Variants in SULF1 observed in about 807,000 individuals in gnomAD.
SULF1 encodes sulfatase 1, also known as extracellular sulfatase Sulf-1.
In SULF1, 46 loss-of-function variants were observed where a neutral mutation model predicts 110.5. That is an observed-to-expected ratio of 0.42 (90% confidence interval 0.33 to 0.53). The LOEUF (loss-of-function observed/expected upper bound fraction) is 0.53. Among genes scored for constraint, SULF1 ranks in the 20% least tolerant of loss-of-function variants. The pLI is 0.12. For missense variants in SULF1, 941 were observed against 1,094.2 expected, an observed-to-expected ratio of 0.86 and a Z score of 1.98; for synonymous variants, 371 against 387.1, an observed-to-expected ratio of 0.96 and a Z score of 0.49.
At chr8:69,534,824 A>G (rs978191323) in intron 3 of SULF1, among the ~76,000 whole-genome samples, 5 of 152,148 alleles carry the variant, frequency 3.3e-5, no homozygotes. Flanking sequence ...AACTGCCCTA[A>G]ACATAGACGT....
intron 3 of SULF1, among the ~76,000 whole-genome samples, chr8:69,510,410 A>T (rs779519188): frequency 3.9e-5 from 6 of 152,184 alleles, no homozygotes; most frequent in Non-Finnish European, 5.9e-5. Context: ...TCCTTATTGG[A>T]AAAATAGGGG....
Position 69,624,094 on chromosome 8 carries a change from G to A in SULF1, c.1747G>A (p.Gly583Arg), listed in dbSNP as rs2130569848. Residue 583 changes from glycine (G) to arginine (R), a missense_variant, in exon 15 of 23, where the codon GGG becomes AGG. Coordinates refer to ENST00000402687, the MANE Select transcript of SULF1 (RefSeq NM_001128205.2). The part of the protein sequence containing the change: ...IAKRHDEGHK[G>R]PRDLQASSGG... ...TAAGCGTCATGATGAAGGCCACAAG[G>A]GGCCAAGAGATCTCCAGGCTTCCAG... The A allele has an allele frequency of 1.2e-6, 2 of 1,614,070 alleles. No individual in the cohort carries two copies. Among genetic ancestry groups the A allele is most frequent in the Non-Finnish European group, 1.7e-6 (2 of 1,180,012 alleles).
chr8:69,616,187 TATATACAC>T (rs1244034542), intron 13 of SULF1, among the ~76,000 whole-genome samples: 3 of 145,132 alleles, frequency 2.1e-5, no homozygotes, highest in Non-Finnish European at 4.5e-5. Flanking sequence ...TATATAAATA[TATATACAC>T]ATATATATGT....
chr8:69,490,107 T>C (rs1358695002), upstream of SULF1, among the ~76,000 whole-genome samples: 11 of 148,600 alleles, frequency 7.4e-5, no homozygotes, highest in East Asian at 2.0e-4. Context: ...CTTTTCTTTT[T>C]TTTTTTTTTT....
At chr8:69,620,432 AG>A in intron 13 of SULF1, among the ~76,000 whole-genome samples, 1 of 152,192 alleles carries the variant, frequency 6.6e-6, no homozygotes, top group South Asian at 2.1e-4. Flanking sequence ...TCTTCTACCC[AG>A]GGTTTCCCTG....
At chr8:69,552,217 C>T (rs1367567290) in intron 3 of SULF1, among the ~76,000 whole-genome samples, 2 of 152,156 alleles carry the variant, frequency 1.3e-5, no homozygotes, top group African/African-American at 4.8e-5. Context: ...GAGCCTAGGG[C>T]CTTTATTTAA....
At chr8:69,651,642 A>G (rs2130734961) in intron 22 of SULF1, among the ~76,000 whole-genome samples, 1 of 152,264 alleles carries the variant, frequency 6.6e-6, no homozygotes, top group Middle Eastern at 3.4e-3. Flanking sequence ...CTTTAGATCT[A>G]TTAAATTATT....
intron 21 of SULF1, 67 bp downstream of exon 21, chr8:69,638,925 C>A: frequency 6.8e-7 from 1 of 1,469,104 alleles, no homozygotes; most frequent in Non-Finnish European, 9.2e-7. Context: ...AGCTTTCTGC[C>A]TTGGAAACAT....
chr8:69,548,745 G>A (rs1040450459), intron 3 of SULF1, among the ~76,000 whole-genome samples: 3 of 151,646 alleles, frequency 2.0e-5, no homozygotes, highest in African/African-American at 7.3e-5. Flanking sequence ...ACAGGCATGA[G>A]CCACCGTGCC....
At chr8:69,616,425 A>G (rs1244740556) in intron 13 of SULF1, among the ~76,000 whole-genome samples, 1 of 151,124 alleles carries the variant, frequency 6.6e-6, no homozygotes, top group Non-Finnish European at 1.5e-5. Flanking sequence ...TTTTGGAAAC[A>G]GAATCTTGCT....
At chr8:69,640,101 G>C (rs914322008) in intron 21 of SULF1, among the ~76,000 whole-genome samples, 1 of 149,188 alleles carries the variant, frequency 6.7e-6, no homozygotes, top group African/African-American at 2.5e-5. Context: ...GGGAGGGAGA[G>C]AGAGAGAGAG....
intron 8 of SULF1, among the ~76,000 whole-genome samples, chr8:69,598,687 T>A (rs1807546284): frequency 6.6e-6 from 1 of 152,238 alleles, no homozygotes; most frequent in African/African-American, 2.4e-5. Context: ...CCACCATGGC[T>A]GGCCCAAAAC....
intron 22 of SULF1, among the ~76,000 whole-genome samples, chr8:69,649,841 C>A (rs1391236185): frequency 6.6e-6 from 1 of 151,660 alleles, no homozygotes; most frequent in African/African-American, 2.4e-5. Context: ...TAATTTTTTT[C>A]TTTTTTAATT....
chr8:69,476,006 G>GCATAACACCTATATAATTCT (rs1375709000), intron 1 of SULF1, among the ~76,000 whole-genome samples: 38 of 152,282 alleles, frequency 2.5e-4, no homozygotes, highest in African/African-American at 8.9e-4. Flanking sequence ...AACTACATCT[G>GCATAACACCTATATAATTCT]CATAACACCT....
At chr8:69,636,359 A>G (rs1039665484) in intron 19 of SULF1, among the ~76,000 whole-genome samples, 1 of 151,848 alleles carries the variant, frequency 6.6e-6, no homozygotes, top group Non-Finnish European at 1.5e-5. Flanking sequence ...ACACGGTGAA[A>G]CCCCGTCTCT....
intron 3 of SULF1, among the ~76,000 whole-genome samples, chr8:69,559,730 A>G (rs28647942): frequency 0.2 from 30,191 of 152,140 alleles, 3,107 homozygotes; most frequent in African/African-American, 0.24. Context: ...CTTTTCCTCA[A>G]GACAGCCATC....
intron 1 of SULF1, among the ~76,000 whole-genome samples, chr8:69,471,683 C>T (rs1169401559): frequency 6.6e-6 from 1 of 152,246 alleles, no homozygotes; most frequent in African/African-American, 2.4e-5. Context: ...CCTTGGACAG[C>T]GAACTGACCC....
intron 13 of SULF1, among the ~76,000 whole-genome samples, chr8:69,613,608 G>A (rs1229737795): frequency 6.6e-6 from 1 of 152,018 alleles, no homozygotes; most frequent in Non-Finnish European, 1.5e-5. Flanking sequence ...AAACTCAGAT[G>A]GGAAAATAAC....
chr8:69,630,511 C>A (rs556511557), intron 19 of SULF1, among the ~76,000 whole-genome samples: 22 of 152,172 alleles, frequency 1.4e-4, no homozygotes, highest in Non-Finnish European at 2.5e-4. Flanking sequence ...TTTATGTTTT[C>A]CCTTTCCATT....
Sources: allele counts gnomAD v4.1 joint callset (sites outside exome capture counted in the v4.1 genomes callset), GRCh38; gene constraint gnomAD v4.1.1; transcripts MANE v1.5; gene names NCBI Gene and HGNC (gene_info 2026-07-23, HGNC 2026-07-21).